ST6GALNAC3: variants seen among roughly 807,000 people sequenced by gnomAD.
ST6GALNAC3 encodes the protein alpha-N-acetylgalactosaminide alpha-2,6-sialyltransferase 3.
A neutral mutation model predicts 32.7 loss-of-function variants in ST6GALNAC3; 25 were observed. The observed-to-expected ratio is 0.76, with a 90% confidence interval of 0.56 to 1.07. The LOEUF is 1.07. Among genes scored for constraint, ST6GALNAC3 ranks in the 50% least tolerant of loss-of-function variants. The pLI, the probability that ST6GALNAC3 is intolerant of heterozygous loss-of-function variation, is 0.00. For missense variants in ST6GALNAC3, 355 were observed against 382.4 expected, an observed-to-expected ratio of 0.93 and a Z score of 0.60; for synonymous variants, 129 against 133.1, an observed-to-expected ratio of 0.97 and a Z score of 0.21.
chr1:76,587,336 C>G (rs1048996769), intron 3 of ST6GALNAC3, among the ~76,000 whole-genome samples: 2 of 152,170 alleles, frequency 1.3e-5, no homozygotes, highest in Non-Finnish European at 2.9e-5. Flanking sequence ...TACACTGTTG[C>G]TGACTGGCTG....
chr1:76,098,146 T>A (rs1647165609), intron 1 of ST6GALNAC3, among the ~76,000 whole-genome samples: 1 of 152,174 alleles, frequency 6.6e-6, no homozygotes, highest in South Asian at 2.1e-4. Context: ...AAGGCAATAA[T>A]TTGTTGCATT....
intron 1 of ST6GALNAC3, among the ~76,000 whole-genome samples, chr1:76,113,787 T>C (rs1200357668): frequency 6.6e-6 from 1 of 152,110 alleles, no homozygotes; most frequent in Non-Finnish European, 1.5e-5. Context: ...GACAAGTAAC[T>C]CCTTTGTTTG....
intron 2 of ST6GALNAC3, among the ~76,000 whole-genome samples, chr1:76,346,645 C>CA (rs781727000): frequency 6.6e-6 from 1 of 152,140 alleles, no homozygotes; most frequent in Non-Finnish European, 1.5e-5. Context: ...TGGTTAAGGA[C>CA]ATACGTTTTG....
At chr1:76,557,907 T>G (rs1054350492) in intron 3 of ST6GALNAC3, among the ~76,000 whole-genome samples, 4 of 152,152 alleles carry the variant, frequency 2.6e-5, no homozygotes, top group Admixed American at 2.0e-4. Flanking sequence ...TCATACATTT[T>G]CAATATGGCT....
chr1:76,160,103 A>G (rs1264084197), intron 1 of ST6GALNAC3, among the ~76,000 whole-genome samples: 3 of 152,150 alleles, frequency 2.0e-5, no homozygotes, highest in African/African-American at 7.2e-5. Context: ...GTAGGAATTT[A>G]TAGGTGGATA....
chr1:76,250,324 A>T (rs1657537992), intron 1 of ST6GALNAC3, among the ~76,000 whole-genome samples: 1 of 152,232 alleles, frequency 6.6e-6, no homozygotes, highest in Non-Finnish European at 1.5e-5. Context: ...TCTTATTTTC[A>T]TAGCTAGCCG....
chr1:76,078,596 C>T (rs1306731348), intron 1 of ST6GALNAC3, among the ~76,000 whole-genome samples: 2 of 152,150 alleles, frequency 1.3e-5, no homozygotes, highest in African/African-American at 2.4e-5. Flanking sequence ...AAATGGGAAT[C>T]ATGCATTCCT....
chr1:76,404,100 CAT>C (rs1653634789), intron 2 of ST6GALNAC3, among the ~76,000 whole-genome samples: 3 of 151,982 alleles, frequency 2.0e-5, no homozygotes, highest in Admixed American at 2.0e-4. Flanking sequence ...ATGACATTAA[CAT>C]TTTTATGCAC....
chr1:76,307,986 G>C, intron 1 of ST6GALNAC3: 2 of 462,800 alleles, frequency 4.3e-6, no homozygotes, highest in Non-Finnish European at 8.8e-6. Flanking sequence ...GCAGCACAGA[G>C]GGGATTAAAT....
At chr1:76,323,368 G>C (rs1452628583) in intron 2 of ST6GALNAC3, among the ~76,000 whole-genome samples, 9 of 152,124 alleles carry the variant, frequency 5.9e-5, no homozygotes, top group Non-Finnish European at 4.4e-5. Flanking sequence ...TTTTCTTTTA[G>C]CTCTTACAGA....
At chr1:76,636,109 AC>A (rs1649499484), downstream of ST6GALNAC3, among the ~76,000 whole-genome samples, 2 of 152,186 alleles carry the variant, frequency 1.3e-5, no homozygotes, top group African/African-American at 4.8e-5. Flanking sequence ...GGATATCAGT[AC>A]CCACATCAGA....
chr1:76,117,937 TG>T (rs1163914345), intron 1 of ST6GALNAC3, among the ~76,000 whole-genome samples: 1 of 152,238 alleles, frequency 6.6e-6, no homozygotes, highest in Non-Finnish European at 1.5e-5. Flanking sequence ...GGGACTATTA[TG>T]ATTTAGTAAA....
intron 3 of ST6GALNAC3, among the ~76,000 whole-genome samples, chr1:76,487,440 T>C (rs1660196049): frequency 6.6e-6 from 1 of 152,206 alleles, no homozygotes; most frequent in Admixed American, 6.5e-5. Flanking sequence ...TGCTCTCTTT[T>C]CTCTAAACCT....
intron 2 of ST6GALNAC3, among the ~76,000 whole-genome samples, chr1:76,345,277 A>G (rs1482154862): frequency 1.3e-5 from 2 of 152,148 alleles, no homozygotes; most frequent in Non-Finnish European, 2.9e-5. Flanking sequence ...ATCTTTTTGA[A>G]TTCCTTTTAC....
At chr1:76,341,099 G>C (rs981280737) in intron 2 of ST6GALNAC3, among the ~76,000 whole-genome samples, 1 of 151,414 alleles carries the variant, frequency 6.6e-6, no homozygotes, top group African/African-American at 2.4e-5. Flanking sequence ...TTATTATATG[G>C]ATACATTGCG....
chr1:76,306,390 A>G (rs10873875), intron 1 of ST6GALNAC3, among the ~76,000 whole-genome samples: 113,959 of 151,884 alleles, frequency 0.75, 43,796 homozygotes, highest in Non-Finnish European at 0.84. Context: ...GTTCAACAAA[A>G]ACACAACTAA....
At chr1:76,094,434 C>T (rs1647095428) in intron 1 of ST6GALNAC3, among the ~76,000 whole-genome samples, 1 of 152,110 alleles carries the variant, frequency 6.6e-6, no homozygotes. Context: ...GATTTAGTCC[C>T]ATAATATCCT....
chr1:76,400,287 A>G (rs530960397), intron 2 of ST6GALNAC3, among the ~76,000 whole-genome samples: 12 of 152,328 alleles, frequency 7.9e-5, no homozygotes, highest in Admixed American at 2.6e-4. Flanking sequence ...TGAGACAATC[A>G]AATGATTTTA....
rs142910351 is a variant in ST6GALNAC3 at position 76,361,870 on chromosome 1, C to T, written c.213+47871C>T. Among the ~76,000 whole-genome samples, 1,034 of 151,302 alleles carry T rather than the reference C, an allele frequency of 6.8e-3. 7 individuals carry two copies. The highest frequency in any genetic ancestry group is 0.023 in the African/African-American group (955 of 41,124). On this transcript the variant is annotated intron_variant, in intron 2 of 4. Coordinates refer to ENST00000328299, the MANE Select transcript of ST6GALNAC3 (RefSeq NM_152996.4). ...GCACACGACTGTAATCCCAGCTACTCGGGAGGCTGAAGCAGGAGAATCACT... is the reference window on the plus strand; with the variant it reads ...GCACACGACTGTAATCCCAGCTACTTGGGAGGCTGAAGCAGGAGAATCACT...
Sources: allele counts gnomAD v4.1 joint callset (sites outside exome capture counted in the v4.1 genomes callset), GRCh38; gene constraint gnomAD v4.1.1; transcripts MANE v1.5; gene names NCBI Gene and HGNC (gene_info 2026-07-23, HGNC 2026-07-21).